The following SYTL2 variants were observed in gnomAD, a reference collection of about 807,000 sequenced individuals.
SYTL2 encodes synaptotagmin like 2, also known as synaptotagmin-like protein 2.
Under a neutral mutation model 198.7 loss-of-function variants are expected in SYTL2, and 165 were observed. That is an observed-to-expected ratio of 0.83 (90% CI 0.73 to 0.94). The LOEUF is 0.94. SYTL2 is among the 40% of genes least tolerant of loss of function. The probability of loss-of-function intolerance (pLI) is 0.00; values close to 1 mark genes in which losing one functional copy is unlikely to be tolerated. For missense variants in SYTL2, 2,835 were observed against 2,582.8 expected (o/e 1.10, Z -2.12); for synonymous variants, 966 against 917.7 (o/e 1.05, Z -0.95).
chr11:85,840,316 G>C, the SYTL2 span, among the ~76,000 whole-genome samples: 2 of 152,216 alleles, frequency 1.3e-5, no homozygotes, highest in Non-Finnish European at 2.9e-5. Flanking sequence ...GTCTGTCTTT[G>C]CTTTGCTTGC....
In SYTL2 at chr11:85,727,561, C is replaced by T; in HGVS notation, c.1797G>A (p.Leu599=). 2 of 1,536,032 alleles carry T rather than the reference C, an allele frequency of 1.3e-6. No homozygotes were observed. The highest frequency in any genetic ancestry group is 1.7e-6 in the Non-Finnish European group (2 of 1,146,880). ...TATTATCTTGGCAACTTTCAGAAAC[C>T]AGCATATCTCCCTCTGCTTGGAATG... ...DSPFQAEGDM[L]VSESCQDNNV... The change falls in exon 8 of 20, where the codon CTG becomes CTA. Residue 599 remains leucine, a synonymous_variant. Coordinates refer to ENST00000359152, the MANE Select transcript of SYTL2 (RefSeq NM_206927.4).
At chr11:85,764,892 T>C (rs1266236151) in intron 1 of SYTL2, among the ~76,000 whole-genome samples, 4 of 152,384 alleles carry the variant, frequency 2.6e-5, no homozygotes, top group African/African-American at 7.2e-5. Flanking sequence ...CTACATTTTA[T>C]ATGCTTAGGC....
At chr11:85,851,832 C>A in the SYTL2 span, among the ~76,000 whole-genome samples, 1 of 152,170 alleles carries the variant, frequency 6.6e-6, no homozygotes, top group Non-Finnish European at 1.5e-5. Flanking sequence ...AAAAATTTTC[C>A]GCTGGTAGCT....
Position 85,806,143 on chromosome 11 carries a change from T to C in SYTL2, c.-390+4811A>G, listed in dbSNP as rs999646984. On this transcript the variant is annotated intron_variant, in intron 1 of 19. Transcript: ENST00000359152. ...TTAAATTACTTATACTAAGTTCCCA[T>C]TGAGTGCCAGGAACAGTGCCAGGCT... 3.3e-5 allele frequency among the ~76,000 whole-genome samples: 5 copies of C among 152,246 alleles called. No individual in the cohort carries two copies. In the East Asian group the frequency reaches 5.8e-4, roughly 18 times the overall value.
At chr11:85,822,947 G>A in the SYTL2 span, among the ~76,000 whole-genome samples, 2,312 of 152,384 alleles carry the variant, frequency 0.015, 21 homozygotes, top group Non-Finnish European at 0.023. Flanking sequence ...CTCTGAGTGT[G>A]AAGAGAATGG....
At position 85,711,292 on chromosome 11, in the gene SYTL2, C is replaced by A. The variant is rs1010839820; in HGVS notation, c.5626-60G>T. On this transcript the variant is annotated intron_variant, in intron 12 of 19. Transcript: ENST00000359152. ...ATTCAGAATGAGTCAAGATCAGAAT[C>A]TCTGTTTAGGCAAAGATGAGATTTT... The A allele has an allele frequency of 1.9e-6, 3 of 1,568,416 alleles. No homozygotes were observed. The African/African-American group carries it at 4.1e-5, about 21-fold the overall frequency.
chr11:85,714,355 G>A, intron 12 of SYTL2, 58 bp downstream of exon 12: 1 of 1,368,432 alleles, frequency 7.3e-7, no homozygotes, highest in Non-Finnish European at 1.0e-6. Flanking sequence ...ACCAACCTTG[G>A]CATAGCAATT....
intron 2 of SYTL2, among the ~76,000 whole-genome samples, chr11:85,751,648 G>A (rs894081158): frequency 6.6e-6 from 1 of 152,192 alleles, no homozygotes; most frequent in Non-Finnish European, 1.5e-5. Flanking sequence ...TGGCCTCCCA[G>A]GTGGGATGTC....
chr11:85,706,661 A>G (rs2085199245), intron 15 of SYTL2, among the ~76,000 whole-genome samples: 1 of 152,184 alleles, frequency 6.6e-6, no homozygotes, highest in African/African-American at 2.4e-5. Flanking sequence ...ATGAGAGAGG[A>G]AAGTTGAGGC....
intron 1 of SYTL2, among the ~76,000 whole-genome samples, chr11:85,807,810 A>T (rs972410784): frequency 1.3e-5 from 2 of 152,186 alleles, no homozygotes; most frequent in African/African-American, 4.8e-5. Context: ...AATACAGGGA[A>T]ATTATGAGGG....
In SYTL2 at chr11:85,727,525, G is replaced by C; in HGVS notation, c.1833C>G (p.Ile611Met). ...GGGACAAATTCATGAATTTGGATTT[G>C]ATATTCACATTATTATCTTGGCAAC... ...SESCQDNNVN[I>M]KSKFMNLSQK... is the part of the protein sequence containing the mutation. The change falls in exon 8 of 20, where the codon ATC becomes ATG. Residue 611 changes from isoleucine to methionine, a missense_variant. Around this residue, in one of 3 missense-constraint regions of SYTL2, gnomAD observed 2,645 missense variants for 2,381.7 expected, o/e 1.11. Transcript: ENST00000359152. 3.3e-6 allele frequency: 5 copies of C among 1,536,010 alleles called. No individual in the cohort carries two copies. The highest frequency in any genetic ancestry group is 3.5e-6 in the Non-Finnish European group (4 of 1,146,866).
chr11:85,782,354 A>C (rs1217308609), intron 1 of SYTL2, among the ~76,000 whole-genome samples: 3 of 152,208 alleles, frequency 2.0e-5, no homozygotes, highest in Non-Finnish European at 4.4e-5. Context: ...CCCTGGACCC[A>C]GCCCAGGAAA....
the SYTL2 span, among the ~76,000 whole-genome samples, chr11:85,846,009 C>A: frequency 6.6e-6 from 1 of 152,212 alleles, no homozygotes; most frequent in Non-Finnish European, 1.5e-5. Context: ...GGTGATCTCT[C>A]GCTCCTGTGG....
At position 85,761,727 on chromosome 11, in the gene SYTL2, C is replaced by T. The variant is rs926082673; in HGVS notation, c.-389-3613G>A. ...AGGCTGTAGTACAGTGACACAATCTCGGCTCACTGCAACTTCCACCTCCTG... is the reference window on the plus strand; with the variant it reads ...AGGCTGTAGTACAGTGACACAATCTTGGCTCACTGCAACTTCCACCTCCTG... On this transcript the variant is annotated intron_variant, in intron 1 of 19. Coordinates refer to ENST00000359152, the MANE Select transcript of SYTL2 (RefSeq NM_206927.4). Among the ~76,000 whole-genome samples, 8 of 152,208 alleles carry T rather than the reference C, an allele frequency of 5.3e-5. No individual in the cohort carries two copies. In the East Asian group the frequency reaches 7.7e-4, roughly 15 times the overall value.
At chr11:85,707,285 C>T in intron 15 of SYTL2, 144 bp downstream of exon 15, 1 of 588,806 alleles carries the variant, frequency 1.7e-6, no homozygotes, top group Non-Finnish European at 3.0e-6. Flanking sequence ...TGTTTTGTCT[C>T]AAACAAAACA....
intron 16 of SYTL2, among the ~76,000 whole-genome samples, chr11:85,702,589 T>C (rs1014821343): frequency 6.6e-6 from 1 of 152,204 alleles, no homozygotes; most frequent in African/African-American, 2.4e-5. Context: ...GGCCTTAGCC[T>C]AGGAATATAA....
At chr11:85,834,187 A>C in the SYTL2 span, among the ~76,000 whole-genome samples, 234 of 152,350 alleles carry the variant, frequency 1.5e-3, no homozygotes, top group African/African-American at 5.3e-3. Context: ...TATCACATTC[A>C]GAATATAAAA....
the SYTL2 span, among the ~76,000 whole-genome samples, chr11:85,833,101 AGG>A: frequency 9.6e-4 from 43 of 44,714 alleles, no homozygotes; most frequent in Middle Eastern, 8.8e-3. Context: ...GAAAGAAAGA[AGG>A]AAGGAAGGAA....
At chr11:85,774,551 G>T (rs535076522) in intron 1 of SYTL2, among the ~76,000 whole-genome samples, 4 of 152,094 alleles carry the variant, frequency 2.6e-5, no homozygotes, top group Admixed American at 6.5e-5. Flanking sequence ...CCCAAATACC[G>T]AGCTTTGCAA....
Sources: allele counts gnomAD v4.1 joint callset (sites outside exome capture counted in the v4.1 genomes callset), GRCh38; gene constraint gnomAD v4.1.1; regional missense constraint gnomAD v4.1.1; transcripts MANE v1.5; gene names NCBI Gene and HGNC (gene_info 2026-07-23, HGNC 2026-07-21).